PYGL: variants seen among roughly 807,000 people sequenced by gnomAD.
The protein encoded by PYGL is glycogen phosphorylase L, also known as glycogen phosphorylase, liver form.
PYGL carries 90 observed loss-of-function variants against 100.1 expected under a neutral mutation model. That is an observed-to-expected ratio of 0.90 (90% confidence interval 0.76 to 1.07). The LOEUF (loss-of-function observed/expected upper bound fraction) is 1.07, where lower values mean the gene tolerates loss of function less well. Among genes scored for constraint, PYGL ranks in the 50% least tolerant of loss-of-function variants. The pLI is 0.00. For missense variants in PYGL, 1,016 were observed against 1,057.6 expected, an observed-to-expected ratio of 0.96 and a Z score of 0.55; for synonymous variants, 373 against 393.0, an observed-to-expected ratio of 0.95 and a Z score of 0.60.
chr14:50,924,101 C>G lies in PYGL; in HGVS notation c.529-1G>C, dbSNP rs113993974. 1 of 1,613,430 alleles carries G rather than the reference C, an allele frequency of 6.2e-7. No individual in the cohort carries two copies. Among genetic ancestry groups the G allele is most frequent in the South Asian group, 1.1e-5 (1 of 91,068 alleles). Reference sequence around the variant, plus strand: ...TGAGCCAATCATCTGCTTCTTCTACCTGCAAAAGGATACAGTATTGCTTAG... The same window carrying G: ...TGAGCCAATCATCTGCTTCTTCTACGTGCAAAAGGATACAGTATTGCTTAG... On this transcript the variant is annotated splice_acceptor_variant, in intron 4 of 19. Transcript: ENST00000216392. LOFTEE classifies it high-confidence loss of function.
At chr14:50,922,154 G>A (rs2050508715) in intron 5 of PYGL, among the ~76,000 whole-genome samples, 2 of 152,202 alleles carry the variant, frequency 1.3e-5, no homozygotes, top group African/African-American at 4.8e-5. Context: ...GAGAATGACA[G>A]AATAATTGAA....
rs200343488 is a variant in PYGL at position 50,921,056 on chromosome 14, A to G, written c.672T>C (p.Ala224=). ...TKWIDTQVVL[A]LPYDTPVPGY... ...CGGGCACGGGGGTGTCATATGGCAG[A>G]GCCAGGACCACCTGTGGGATTAAAC... Residue 224 remains alanine, a synonymous_variant, in exon 6 of 20, where the codon GCT becomes GCC. Coordinates refer to ENST00000216392, the MANE Select transcript of PYGL (RefSeq NM_002863.5). The G allele has an allele frequency of 8.7e-6, 14 of 1,612,818 alleles. No homozygotes were observed. The highest frequency in any genetic ancestry group is 1.1e-5 in the Non-Finnish European group (13 of 1,178,774).
chr14:50,915,985 A>G lies in PYGL; in HGVS notation c.1093-14T>C, dbSNP rs2050445820. On this transcript the variant is annotated splice_polypyrimidine_tract_variant and intron_variant, in intron 9 of 19. Transcript: ENST00000216392. ...GAGCTCCCATGCCTGGGGGAAAGGAAGGAGTCAGCTGCTTGCCCTGAAGGT... is the reference window on the plus strand; with the variant it reads ...GAGCTCCCATGCCTGGGGGAAAGGAGGGAGTCAGCTGCTTGCCCTGAAGGT... 1 of 1,613,750 alleles carries G rather than the reference A, an allele frequency of 6.2e-7. No individual in the cohort carries two copies. Among genetic ancestry groups the G allele is most frequent in the South Asian group, 1.1e-5 (1 of 91,086 alleles).
intron 2 of PYGL, among the ~76,000 whole-genome samples, chr14:50,936,309 C>T (rs2356729): frequency 6.6e-6 from 1 of 151,868 alleles, no homozygotes; most frequent in Non-Finnish European, 1.5e-5. Context: ...GTTGTGCCCC[C>T]GTTTCCATGG....
intron 19 of PYGL, 127 bp from the exon 20 acceptor site, chr14:50,905,683 A>G: frequency 2.1e-6 from 2 of 937,114 alleles, no homozygotes; most frequent in Middle Eastern, 4.4e-4. Context: ...ATAGTAAATT[A>G]CAAATATTCT....
chr14:50,920,122 G>C lies in PYGL; in HGVS notation c.855+419C>G, dbSNP rs146159165. Among the ~76,000 whole-genome samples, 1,122 of 152,268 alleles carry C rather than the reference G, an allele frequency of 7.4e-3. 10 individuals are homozygous for C. The highest frequency in any genetic ancestry group is 0.038 in the Middle Eastern group (11 of 292). ...GCCCCAGGGTCTCTAACTCCATCTA[G>C]CATCAGGGCAGAGGACCAGAAAGAG... is the stretch of plus-strand genomic sequence containing the variant. On this transcript the variant is annotated intron_variant, in intron 7 of 19. Coordinates refer to ENST00000216392, the MANE Select transcript of PYGL (RefSeq NM_002863.5).
At chr14:50,920,808 C>T in intron 6 of PYGL, 148 bp downstream of exon 6, 3 of 991,994 alleles carry the variant, frequency 3.0e-6, no homozygotes, top group African/African-American at 1.6e-5. Context: ...GCCCTCCCTA[C>T]TTCCTCCATA....
chr14:50,923,992 C>T lies in PYGL; in HGVS notation c.637G>A (p.Gly213Arg), dbSNP rs1043083798. ...ACTTGAGTGTCAATCCACTTGGTCCCGGTGTTGGTGTGTTCTACTTTTCCA... is the reference window on the plus strand; with the variant it reads ...ACTTGAGTGTCAATCCACTTGGTCCTGGTGTTGGTGTGTTCTACTTTTCCA... Reference protein sequence around the residue: ...FYGKVEHTNTGTKWIDTQVVL... With the variant: ...FYGKVEHTNTRTKWIDTQVVL... Residue 213 changes from glycine to arginine, a missense_variant, in exon 5 of 20, where the codon GGG becomes AGG. By Grantham distance (125) the Gly-to-Arg change is moderately radical (BLOSUM62 -2). Coordinates refer to ENST00000216392, the MANE Select transcript of PYGL (RefSeq NM_002863.5). 7 of 1,613,868 alleles carry T rather than the reference C, an allele frequency of 4.3e-6. No homozygotes were observed. Among genetic ancestry groups the T allele is most frequent in the Non-Finnish European group, 5.9e-6 (7 of 1,179,834 alleles).
chr14:50,908,968 G>T lies in PYGL; in HGVS notation c.2178-13C>A. On this transcript the variant is annotated splice_polypyrimidine_tract_variant and intron_variant, in intron 17 of 19. Coordinates refer to ENST00000216392, the MANE Select transcript of PYGL (RefSeq NM_002863.5). Reference sequence around the variant, plus strand: ...TTTTGCCTCGTACCTGTGGGGTAGGGGTGGGTGGGTGATAAAAAAAGGCTC... The same window carrying T: ...TTTTGCCTCGTACCTGTGGGGTAGGTGTGGGTGGGTGATAAAAAAAGGCTC... 2.6e-6 allele frequency: 4 copies of T among 1,562,782 alleles called. No homozygotes were observed. The highest frequency in any genetic ancestry group is 1.1e-5 in the South Asian group (1 of 89,606).
In PYGL at chr14:50,914,821, G is replaced by A; in HGVS notation, c.1404-6C>T. ...GCTCACTGAAGTCCTTGAATCTGGA[G>A]ATGGAGGAGACACATCACTGAATTT... On this transcript the variant is annotated splice_region_variant and splice_polypyrimidine_tract_variant and intron_variant, in intron 11 of 19. Transcript: ENST00000216392. 6.2e-7 allele frequency: 1 copy of A among 1,600,676 alleles called. No homozygotes were observed. Among genetic ancestry groups the A allele is most frequent in the South Asian group, 1.1e-5 (1 of 90,786 alleles).
chr14:50,924,662 T>C (rs2050531098), intron 4 of PYGL, among the ~76,000 whole-genome samples: 1 of 152,262 alleles, frequency 6.6e-6, no homozygotes. Flanking sequence ...ATGTAGTCTT[T>C]GCTTATCTCA....
Position 50,920,602 on chromosome 14 carries a change from T to G in PYGL, c.794A>C (p.Gln265Pro), listed in dbSNP as rs770465670. Residue 265 changes from glutamine (Q) to proline (P), a missense_variant, in exon 7 of 20, where the codon CAG becomes CCG. Coordinates refer to ENST00000216392, the MANE Select transcript of PYGL (RefSeq NM_002863.5). ...GGCCAGGTTTCGGTCCAGCACAGCCTGAATGTAGTCTCCAACATTAACTAG... is the reference window on the plus strand; with the variant it reads ...GGCCAGGTTTCGGTCCAGCACAGCCGGAATGTAGTCTCCAACATTAACTAG... The part of the protein sequence containing the change: ...LRDFNVGDYI[Q>P]AVLDRNLAEN... 6.2e-7 allele frequency: 1 copy of G among 1,612,276 alleles called. No individual in the cohort carries two copies. The highest frequency in any genetic ancestry group is 8.5e-7 in the Non-Finnish European group (1 of 1,178,312).
intron 12 of PYGL, 28 bp from the exon 13 acceptor site, chr14:50,913,158 C>A: frequency 6.2e-7 from 1 of 1,601,164 alleles, no homozygotes; most frequent in Non-Finnish European, 8.6e-7. Context: ...AAGATGACTT[C>A]AATTTGGGGA....
At chr14:50,942,329 A>G (rs1339981790) in intron 1 of PYGL, among the ~76,000 whole-genome samples, 2 of 139,906 alleles carry the variant, frequency 1.4e-5, no homozygotes, top group Non-Finnish European at 3.1e-5. Context: ...GAAAACCATA[A>G]AGCACTGCAT....
chr14:50,923,780 G>A (rs1402366745), intron 5 of PYGL, 189 bp downstream of exon 5: 5 of 625,060 alleles, frequency 8.0e-6, no homozygotes, highest in Non-Finnish European at 1.2e-5. Flanking sequence ...CTTGGCCTCA[G>A]CTCCTTTGTC....
chr14:50,941,110 T>A (rs1160373615), intron 1 of PYGL, among the ~76,000 whole-genome samples: 1 of 152,164 alleles, frequency 6.6e-6, no homozygotes, highest in Non-Finnish European at 1.5e-5. Flanking sequence ...GAGCCAATGA[T>A]AATTGAGCAG....
intron 5 of PYGL, among the ~76,000 whole-genome samples, chr14:50,922,173 T>C (rs1041453242): frequency 6.6e-6 from 1 of 152,206 alleles, no homozygotes; most frequent in East Asian, 1.9e-4. Context: ...AACTGGAGGA[T>C]GCTGGATCTC....
chr14:50,934,958 G>T (rs907069600), intron 3 of PYGL, 149 bp downstream of exon 3: 8 of 742,582 alleles, frequency 1.1e-5, no homozygotes, highest in Admixed American at 4.1e-5. Flanking sequence ...AAACCAAAGT[G>T]CAAACTCAAG....
Position 50,937,825 on chromosome 14 carries a change from G to C in PYGL, c.256C>G (p.Leu86Val). Residue 86 changes from leucine (L) to valine (V), a missense_variant, in exon 2 of 20, where the codon CTC (leucine) becomes GTC (valine). Physicochemically the swap from Leu to Val is conservative, Grantham distance 32. Transcript: ENST00000216392. ...CGGCCCATGTAAAATTCCAGAGAGA[G>C]GTAATATACCCTCTGAAATAAAGAA... The part of the protein sequence containing the change: ...YDKCPKRVYY[L>V]SLEFYMGRTL... The C allele has an allele frequency of 6.2e-7, 1 of 1,611,616 alleles. No homozygotes were observed. The highest frequency in any genetic ancestry group is 1.1e-5 in the South Asian group (1 of 91,024).
Sources: allele counts gnomAD v4.1 joint callset (sites outside exome capture counted in the v4.1 genomes callset), GRCh38; gene constraint gnomAD v4.1.1; transcripts MANE v1.5; gene names NCBI Gene and HGNC (gene_info 2026-07-23, HGNC 2026-07-21).